Variants in DYNC2H1 observed in about 807,000 individuals in gnomAD.
The protein encoded by DYNC2H1 is dynein cytoplasmic 2 heavy chain 1, also known as cytoplasmic dynein 2 heavy chain 1.
In DYNC2H1, 410 loss-of-function variants were observed where a neutral mutation model predicts 570.0. The observed-to-expected ratio is 0.72, with a 90% CI of 0.66 to 0.78. The LOEUF is 0.78. DYNC2H1 is among the 30% of genes least tolerant of loss of function. The pLI, the probability that DYNC2H1 is intolerant of heterozygous loss-of-function variation, is 0.00. For synonymous variants in DYNC2H1, 1,688 were observed against 1,677.6 expected (o/e 1.01, Z -0.15); for missense variants, 4,865 against 5,046.4 (o/e 0.96, Z 1.09).
At chr11:103,180,536 C>T (rs1206946810) in intron 39 of DYNC2H1, among the ~76,000 whole-genome samples, 1 of 151,612 alleles carries the variant, frequency 6.6e-6, no homozygotes, top group Admixed American at 6.6e-5. Flanking sequence ...ATGTAAAATA[C>T]AAATACATAT....
At position 103,168,942 on chromosome 11, in the gene DYNC2H1, G is replaced by A; in HGVS notation, c.4950G>A (p.Gln1650=). ...CCVQMVDSEF[Q]YTYEYQGNAS... ...TTCAAATGGTGGATTCTGAATTTCA[G>A]TATACTTATGAATATCAGGTATGAG... is the stretch of plus-strand genomic sequence containing the variant. Residue 1650 remains glutamine, a synonymous_variant, in exon 32 of 89, where the codon CAG becomes CAA. Transcript: ENST00000375735. 3 of 1,610,788 alleles carry A rather than the reference G, an allele frequency of 1.9e-6. No homozygotes were observed. Among genetic ancestry groups the A allele is most frequent in the Non-Finnish European group, 2.5e-6 (3 of 1,178,834 alleles).
In DYNC2H1 at chr11:103,125,166, A is replaced by G. The variant is rs767888867; in HGVS notation, c.1728A>G (p.Ser576=). The G allele has an allele frequency of 2.5e-6, 4 of 1,613,700 alleles. No homozygotes were observed. The highest frequency in any genetic ancestry group is 3.4e-6 in the Non-Finnish European group (4 of 1,179,766). The part of the protein sequence containing the change: ...SNDGLLKVHY[S]DRLVILLREV... Reference sequence around the variant, plus strand: ...ATGGATTACTAAAAGTGCATTATTCAGATCGTTTGGTGATTCTTCTGAGAG... The same window carrying G: ...ATGGATTACTAAAAGTGCATTATTCGGATCGTTTGGTGATTCTTCTGAGAG... The change falls in exon 12 of 89, where the codon TCA becomes TCG. Residue 576 remains serine (S), a synonymous_variant. Transcript: ENST00000375735.
At chr11:103,463,238 TGTCAGAAACAG>T (rs1945081523) in intron 87 of DYNC2H1, among the ~76,000 whole-genome samples, 1 of 152,210 alleles carries the variant, frequency 6.6e-6, no homozygotes, top group South Asian at 2.1e-4. Context: ...TATTACATTG[TGTCAGAAACAG>T]GACAGAAAAT....
intron 88 of DYNC2H1, among the ~76,000 whole-genome samples, chr11:103,473,068 T>TA (rs1170415964): frequency 4.6e-5 from 7 of 152,202 alleles, no homozygotes; most frequent in African/African-American, 1.7e-4. Flanking sequence ...CAACAAATTC[T>TA]AAGACTTCTA....
Position 103,305,591 on chromosome 11 carries a change from G to C in DYNC2H1, c.11382+871G>C, listed in dbSNP as rs1025437590. Among the ~76,000 whole-genome samples, 4 of 152,040 alleles carry C rather than the reference G, an allele frequency of 2.6e-5. No homozygotes were observed. Among genetic ancestry groups the C allele is most frequent in the African/African-American group, 9.7e-5 (4 of 41,386 alleles). On this transcript the variant is annotated intron_variant, in intron 77 of 88. Coordinates refer to ENST00000375735, the MANE Select transcript of DYNC2H1 (RefSeq NM_001377.3). This position sits in a 1 kb window ranked among gnomAD's most constrained non-coding sequence, Gnocchi z 4.3. ...TTAATTAATTAATTAATTTTTTCTG[G>C]CAGTGGTATATAGAATAGAAACAAA...
intron 82 of DYNC2H1, among the ~76,000 whole-genome samples, chr11:103,349,689 T>A (rs374179722): frequency 3.3e-5 from 5 of 152,174 alleles, no homozygotes; most frequent in East Asian, 3.9e-4. Flanking sequence ...ACAGGTTCAT[T>A]CTCAATTTGC....
intron 75 of DYNC2H1, among the ~76,000 whole-genome samples, chr11:103,288,056 CT>C (rs1866421209): frequency 6.6e-6 from 1 of 151,922 alleles, no homozygotes; most frequent in South Asian, 2.1e-4. Flanking sequence ...GGTTTTCTTG[CT>C]GTCTTCTGTT....
At chr11:103,235,629 C>T in intron 61 of DYNC2H1, 43 bp from the exon 62 acceptor site, 1 of 1,548,624 alleles carries the variant, frequency 6.5e-7, no homozygotes, top group Middle Eastern at 1.7e-4. Context: ...AATGTTAGAA[C>T]ATACTCATAT....
In DYNC2H1 at chr11:103,241,413, C is replaced by A. The variant is rs1036840210; in HGVS notation, c.9820-2280C>A. On this transcript the variant is annotated intron_variant, in intron 63 of 88. Transcript: ENST00000375735. This position sits in a 1 kb window ranked among gnomAD's most constrained non-coding sequence, Gnocchi z 5.1. The stretch of plus-strand genomic sequence containing the variant: ...AATCTTATCTAAATCTGTCTGGAGA[C>A]GTAAAATAAGATGACAACAAACTTT... 1.2e-6 allele frequency: 1 copy of A among 843,546 alleles called. No individual in the cohort carries two copies. Among genetic ancestry groups the A allele is most frequent in the Non-Finnish European group, 1.9e-6 (1 of 525,650 alleles). The allele number at this position is 843,546 out of a possible 1,614,324, so 52.3% of individuals were successfully genotyped here.
intron 73 of DYNC2H1, among the ~76,000 whole-genome samples, chr11:103,283,759 T>C (rs887976206): frequency 6.6e-6 from 1 of 152,154 alleles, no homozygotes; most frequent in African/African-American, 2.4e-5. Flanking sequence ...TTTAAAACTA[T>C]GTTTCTTGTT....
chr11:103,356,283 C>G lies in DYNC2H1; in HGVS notation c.12040-1960C>G, dbSNP rs1298658035. 2.6e-5 allele frequency among the ~76,000 whole-genome samples: 4 copies of G among 151,952 alleles called. No individual in the cohort carries two copies. In the East Asian group the frequency reaches 7.7e-4, roughly 29 times the overall value. On this transcript the variant is annotated intron_variant, in intron 82 of 88. Transcript: ENST00000375735. ...ACAGTTCATTGATACAAGTTATAGC[C>G]CTGTCCTCATTAATAAAAATGTTTT...
chr11:103,462,577 CAA>C (rs945986790), intron 87 of DYNC2H1, among the ~76,000 whole-genome samples: 12 of 152,084 alleles, frequency 7.9e-5, no homozygotes, highest in Admixed American at 1.3e-4. Context: ...AATTCTTCTG[CAA>C]AGAGGCTTCA....
Position 103,311,957 on chromosome 11 carries a change from C to T in DYNC2H1, c.11573C>T (p.Thr3858Ile), listed in dbSNP as rs2135416981. The T allele has an allele frequency of 6.2e-7, 1 of 1,613,652 alleles. No homozygotes were observed. Among genetic ancestry groups the T allele is most frequent in the East Asian group, 2.2e-5 (1 of 44,834 alleles). ...GAGCAAATTAGCAAAAAAGATAATA[C>T]ACATCGAGCTCATGCTCTCTTCAGT... ...TPEQISKKDNTHRAHALFSLA... is the reference protein window; with the variant it reads ...TPEQISKKDNIHRAHALFSLA... Residue 3858 changes from threonine to isoleucine, a missense_variant, in exon 79 of 89, where the codon ACA (threonine) becomes ATA (isoleucine). Thr to Ile is a moderately conservative substitution (Grantham distance 89). This residue lies in a region of DYNC2H1 where 2,401 missense variants were observed against 2,454.6 expected (regional missense o/e 0.98). Coordinates refer to ENST00000375735, the MANE Select transcript of DYNC2H1 (RefSeq NM_001377.3).
In DYNC2H1 at chr11:103,254,310, C is replaced by CA. The variant is rs1864957676; in HGVS notation, c.10206+868dup. Among the ~76,000 whole-genome samples the CA allele has an allele frequency of 1.3e-5, 2 of 151,958 alleles. No homozygotes were observed. The highest frequency in any genetic ancestry group is 4.8e-5 in the African/African-American group (2 of 41,410). ...GTGTAAAAGATCTCCACAGTAGTTGCAAAAAAGGAGCTATGTAGGTCTTAC... is the reference window on the plus strand; with the variant it reads ...GTGTAAAAGATCTCCACAGTAGTTGCAAAAAAAGGAGCTATGTAGGTCTTAC... On this transcript the variant is annotated intron_variant, in intron 66 of 88. Transcript: ENST00000375735. This position sits in a 1 kb window ranked among gnomAD's most constrained non-coding sequence, Gnocchi z 4.9.
chr11:103,477,921 A>AG (rs1945613442), intron 88 of DYNC2H1, among the ~76,000 whole-genome samples: 2 of 151,940 alleles, frequency 1.3e-5, no homozygotes, highest in Non-Finnish European at 2.9e-5. Flanking sequence ...GAAACTAGGA[A>AG]TCATCAGATT....
chr11:103,226,861 C>T (rs1052818547), intron 59 of DYNC2H1, among the ~76,000 whole-genome samples: 1 of 151,566 alleles, frequency 6.6e-6, no homozygotes, highest in African/African-American at 2.4e-5. Context: ...CATTTCAATC[C>T]TGCTGTTTGT....
chr11:103,260,560 C>A (rs149184578), intron 70 of DYNC2H1, among the ~76,000 whole-genome samples: 91 of 151,564 alleles, frequency 6.0e-4, no homozygotes, highest in African/African-American at 2.1e-3. Context: ...GAACACACAT[C>A]GGACAATATT....
At chr11:103,192,912 T>C (rs1187402080) in intron 47 of DYNC2H1, among the ~76,000 whole-genome samples, 2 of 152,240 alleles carry the variant, frequency 1.3e-5, no homozygotes, top group African/African-American at 4.8e-5. Context: ...AAAAGGTGCT[T>C]ATTTTTTCAG....
rs756811933 is a variant in DYNC2H1, at chr11:103,133,678, A to T, written c.2077A>T (p.Arg693Ter). 3 of 1,611,524 alleles carry T rather than the reference A, an allele frequency of 1.9e-6. No homozygotes were observed. Among genetic ancestry groups the T allele is most frequent in the Non-Finnish European group, 2.5e-6 (3 of 1,178,662 alleles). The change falls in exon 14 of 89, where the codon AGA becomes TGA. Residue 693 changes from arginine to a stop codon, truncating the protein, a stop_gained. Transcript: ENST00000375735. LOFTEE classifies it high-confidence loss of function. The surrounding 1 kb of genome is among the most constrained non-coding windows in gnomAD (Gnocchi z 4.8). ...ERLATENRKL[R>*]KWHTTFCEKV... ...GCTTGCCACTGAAAATAGAAAACTG[A>T]GAAAATGGCACACTACATTTTGTGA...
Sources: gnomAD v4.1 joint callset for allele counts (sites outside exome capture counted in the v4.1 genomes callset) on GRCh38, gnomAD v4.1.1 for gene constraint, gnomAD v4.1.1 regional missense constraint, Gnocchi (gnomAD v3.1) non-coding constraint, MANE v1.5 for transcripts, NCBI Gene and HGNC (gene_info 2026-07-23, HGNC 2026-07-21) for gene names.